Variants in RUBCNL observed in about 807,000 individuals in gnomAD.
RUBCNL encodes the protein protein associated with UVRAG as autophagy enhancer.
RUBCNL carries 62 observed loss-of-function variants against 69.5 expected under a neutral mutation model. The ratio of observed to expected loss-of-function variants is 0.89; its 90% CI spans 0.73 to 1.10. The LOEUF (loss-of-function observed/expected upper bound fraction) is 1.10. Ranked by LOEUF, RUBCNL falls within the 50% of genes least tolerant of loss-of-function variation. The probability of loss-of-function intolerance (pLI) is 0.00; values close to 1 mark genes in which losing one functional copy is unlikely to be tolerated. For missense variants in RUBCNL, 768 were observed against 798.1 expected, an observed-to-expected ratio of 0.96 and a Z score of 0.45; for synonymous variants, 291 against 303.6, an observed-to-expected ratio of 0.96 and a Z score of 0.43.
At position 46,356,421 on chromosome 13, in the gene RUBCNL, T is replaced by C; in HGVS notation, c.1330+11A>G. On this transcript the variant is annotated intron_variant, in intron 10 of 14. Transcript: ENST00000429979. Reference sequence around the variant, plus strand: ...CACATCATAAGCAGGCGATCCATTATCCGTACTTACTAGGCTCTACTGGAG... The same window carrying C: ...CACATCATAAGCAGGCGATCCATTACCCGTACTTACTAGGCTCTACTGGAG... 6 of 1,613,228 alleles carry C rather than the reference T, an allele frequency of 3.7e-6. No individual in the cohort carries two copies. Among genetic ancestry groups the C allele is most frequent in the Non-Finnish European group, 5.1e-6 (6 of 1,179,636 alleles).
intron 10 of RUBCNL, among the ~76,000 whole-genome samples, chr13:46,353,408 T>C (rs766300081): frequency 4.6e-5 from 7 of 152,198 alleles, no homozygotes; most frequent in African/African-American, 1.2e-4. Flanking sequence ...TCAAACTTCA[T>C]TGAATACATG....
At chr13:46,368,595 G>T in intron 4 of RUBCNL, 138 bp downstream of exon 4, 2 of 1,295,534 alleles carry the variant, frequency 1.5e-6, no homozygotes, top group Non-Finnish European at 2.1e-6. Context: ...AGTGTTTCTG[G>T]CAGTCTCCAT....
At position 46,340,073 on chromosome 13, in the gene RUBCNL, C is replaced by T. The variant is rs887070442; in HGVS notation, c.*3312G>A. On this transcript the variant is annotated 3_prime_UTR_variant, in exon 15 of 15. Coordinates refer to ENST00000429979, the MANE Select transcript of RUBCNL (RefSeq NM_025113.5). ...TGGCTTGTAGATGCATCACCCCAAC[C>T]TCTGCTTTTTTTCTTCCCTGCATCT... Among the ~76,000 whole-genome samples, 2 of 151,952 alleles carry T rather than the reference C, an allele frequency of 1.3e-5. No homozygotes were observed. Among genetic ancestry groups the T allele is most frequent in the African/African-American group, 4.8e-5 (2 of 41,358 alleles).
intron 9 of RUBCNL, among the ~76,000 whole-genome samples, chr13:46,357,487 G>C (rs906949877): frequency 6.6e-6 from 1 of 152,060 alleles, no homozygotes; most frequent in Non-Finnish European, 1.5e-5. Context: ...AGACAGCTCA[G>C]GGAGGCCATA....
chr13:46,369,365 C>G (rs2048830677), intron 3 of RUBCNL, among the ~76,000 whole-genome samples: 1 of 152,102 alleles, frequency 6.6e-6, no homozygotes, highest in South Asian at 2.1e-4. Context: ...CAGGTGCCAC[C>G]ATGACCAGCT....
At chr13:46,373,220 C>T (rs1475142343) in intron 2 of RUBCNL, among the ~76,000 whole-genome samples, 3 of 152,102 alleles carry the variant, frequency 2.0e-5, no homozygotes, top group South Asian at 2.1e-4. Flanking sequence ...GTGATCCACT[C>T]GCCTCAGCCT....
chr13:46,344,070 G>C, intron 14 of RUBCNL, among the ~76,000 whole-genome samples: 1 of 152,132 alleles, frequency 6.6e-6, no homozygotes, highest in Non-Finnish European at 1.5e-5. Context: ...ACCCCTACAG[G>C]TATTAAGTTG....
intron 1 of RUBCNL, among the ~76,000 whole-genome samples, chr13:46,386,590 G>A (rs927043743): frequency 2.6e-5 from 4 of 152,090 alleles, no homozygotes; most frequent in African/African-American, 7.2e-5. Flanking sequence ...CCGGCGTGGC[G>A]GGGGGTTGGG....
chr13:46,369,583 T>C (rs926784200), intron 3 of RUBCNL, among the ~76,000 whole-genome samples: 1 of 152,202 alleles, frequency 6.6e-6, no homozygotes, highest in Non-Finnish European at 1.5e-5. Context: ...TCTAAGTTAG[T>C]CTTCTTCCAG....
chr13:46,351,828 CTTTTTTT>C (rs57329384), intron 10 of RUBCNL, among the ~76,000 whole-genome samples: 1 of 129,822 alleles, frequency 7.7e-6, no homozygotes, highest in Admixed American at 8.1e-5. Context: ...GCTCTTTACA[CTTTTTTT>C]TTTTTTTTTT....
chr13:46,373,743 G>A (rs1205929481), intron 2 of RUBCNL, among the ~76,000 whole-genome samples: 1 of 152,274 alleles, frequency 6.6e-6, no homozygotes, highest in Non-Finnish European at 1.5e-5. Context: ...GTGAACAGGA[G>A]ACTTTGGAGT....
In RUBCNL at chr13:46,344,087, A is replaced by G. The variant is rs181932530; in HGVS notation, c.1877-590T>C. 2.2e-3 allele frequency among the ~76,000 whole-genome samples: 337 copies of G among 152,258 alleles called. 4 individuals are homozygous for G. Among genetic ancestry groups the G allele is most frequent in the South Asian group, 0.011 (55 of 4,824 alleles). On this transcript the variant is annotated intron_variant, in intron 14 of 14. Transcript: ENST00000429979. ...CCCTACAGGTATTAAGTTGAAGAAC[A>G]TGAAACTTTTTGTAGGCAAGTCTCT...
intron 2 of RUBCNL, among the ~76,000 whole-genome samples, chr13:46,374,076 G>A (rs1199955360): frequency 7.2e-5 from 11 of 152,132 alleles, no homozygotes; most frequent in Admixed American, 6.5e-4. Flanking sequence ...ACACCTGGAC[G>A]TGCAGCCATA....
In RUBCNL at chr13:46,372,497, G is replaced by A. The variant is rs2048902107; in HGVS notation, c.-22C>T. 1 of 1,575,252 alleles carries A rather than the reference G, an allele frequency of 6.3e-7. No individual in the cohort carries two copies. Among genetic ancestry groups the A allele is most frequent in the Admixed American group, 1.9e-5 (1 of 54,012 alleles). ...CCATCTTTCCAGGCTTGTGGCTGGT[G>A]TGAATCCATTCAAAACAGATAGGAG... On this transcript the variant is annotated 5_prime_UTR_variant, in exon 3 of 15. Transcript: ENST00000429979.
At chr13:46,388,572 G>A (rs2049300223), upstream of RUBCNL, among the ~76,000 whole-genome samples, 1 of 152,168 alleles carries the variant, frequency 6.6e-6, no homozygotes, top group African/African-American at 2.4e-5. Flanking sequence ...GAGGGATGGA[G>A]GAAGGAAGGA....
At chr13:46,355,294 C>CTT (rs34432929) in intron 10 of RUBCNL, among the ~76,000 whole-genome samples, 26 of 126,468 alleles carry the variant, frequency 2.1e-4, no homozygotes, top group Admixed American at 3.2e-4. Flanking sequence ...AAAGCCCGAG[C>CTT]TTTTTTTTTT....
chr13:46,364,303 C>T (rs549208783), intron 5 of RUBCNL, among the ~76,000 whole-genome samples: 8 of 151,432 alleles, frequency 5.3e-5, no homozygotes, highest in East Asian at 2.0e-4. Context: ...AGGCTGAGGC[C>T]GGAGAATCGC....
chr13:46,359,538 C>G lies in RUBCNL; in HGVS notation c.1213G>C (p.Asp405His), dbSNP rs2048565205. 1.3e-6 allele frequency: 2 copies of G among 1,596,100 alleles called. No homozygotes were observed. The highest frequency in any genetic ancestry group is 2.3e-5 in the South Asian group (2 of 87,966). The change falls in exon 9 of 15, where the codon GAC becomes CAC. Residue 405 changes from aspartate to histidine, a missense_variant. Transcript: ENST00000429979. ...KFKSRIRGTE[D>H]WAPPRFQIIF... ...ATTTGAAATCTAGGAGGAGCCCAGT[C>G]TTCAGTCCCTCTGATCCTAGACTTA...
intron 3 of RUBCNL, among the ~76,000 whole-genome samples, chr13:46,370,521 A>C (rs2048855029): frequency 6.6e-6 from 1 of 152,208 alleles, no homozygotes; most frequent in African/African-American, 2.4e-5. Flanking sequence ...ATCTTAAAGA[A>C]TGAATCCCCT....
Sources: gnomAD v4.1 joint callset for allele counts (sites outside exome capture counted in the v4.1 genomes callset) on GRCh38, gnomAD v4.1.1 for gene constraint, MANE v1.5 for transcripts, NCBI Gene and HGNC (gene_info 2026-07-23, HGNC 2026-07-21) for gene names.